The following PLEKHA7 variants were observed in gnomAD, a reference collection of about 807,000 sequenced individuals.
The protein encoded by PLEKHA7 is pleckstrin homology domain containing A7, also known as pleckstrin homology domain-containing family A member 7.
A neutral mutation model predicts 170.0 loss-of-function variants in PLEKHA7; 104 were observed. The observed-to-expected ratio is 0.61, with a 90% CI of 0.52 to 0.72. The LOEUF is 0.72. Among genes scored for constraint, PLEKHA7 ranks in the 30% least tolerant of loss-of-function variants. The pLI, the probability that PLEKHA7 is intolerant of heterozygous loss-of-function variation, is 0.00. For missense variants in PLEKHA7, 1,615 were observed against 1,671.7 expected, an observed-to-expected ratio of 0.97 and a Z score of 0.59; for synonymous variants, 648 against 660.8, an observed-to-expected ratio of 0.98 and a Z score of 0.30.
At chr11:16,835,403 T>C (rs1851436713) in intron 9 of PLEKHA7, among the ~76,000 whole-genome samples, 1 of 152,172 alleles carries the variant, frequency 6.6e-6, no homozygotes, top group Admixed American at 6.5e-5. Flanking sequence ...CCCTGAACTG[T>C]TGAACAACTC....
intron 3 of PLEKHA7, among the ~76,000 whole-genome samples, chr11:16,956,645 G>A (rs1861719755): frequency 2.0e-5 from 3 of 152,162 alleles, no homozygotes. Flanking sequence ...CTGTGACAGG[G>A]ATAAAGGGAA....
intron 3 of PLEKHA7, among the ~76,000 whole-genome samples, chr11:17,002,387 G>C (rs913719184): frequency 5.3e-4 from 79 of 149,332 alleles, no homozygotes; most frequent in African/African-American, 1.9e-3. Context: ...CTGGGCAACA[G>C]AACAAAACCT....
intron 3 of PLEKHA7, among the ~76,000 whole-genome samples, chr11:16,994,165 A>T (rs1490405968): frequency 6.6e-6 from 1 of 152,174 alleles, no homozygotes; most frequent in Non-Finnish European, 1.5e-5. Flanking sequence ...CTCTGTCAGT[A>T]GGGTCAAGGC....
At chr11:16,887,807 A>T (rs1249085858) in intron 3 of PLEKHA7, among the ~76,000 whole-genome samples, 1 of 151,868 alleles carries the variant, frequency 6.6e-6, no homozygotes, top group Admixed American at 6.6e-5. Flanking sequence ...GCCTCTGCCC[A>T]GCCGCCACCC....
At chr11:16,945,860 A>G (rs1459391932) in intron 3 of PLEKHA7, among the ~76,000 whole-genome samples, 1 of 152,216 alleles carries the variant, frequency 6.6e-6, no homozygotes, top group Non-Finnish European at 1.5e-5. Context: ...CTGATTAAGA[A>G]CAAAAGTCCT....
chr11:16,982,565 A>T (rs1863493692), intron 3 of PLEKHA7, among the ~76,000 whole-genome samples: 1 of 152,228 alleles, frequency 6.6e-6, no homozygotes, highest in East Asian at 1.9e-4. Flanking sequence ...AAGCAGAGTC[A>T]GTGGTGCTCA....
chr11:16,925,536 C>G (rs1456453120), intron 3 of PLEKHA7, among the ~76,000 whole-genome samples: 8 of 152,176 alleles, frequency 5.3e-5, no homozygotes, highest in African/African-American at 1.4e-4. Context: ...CTGCAGGCCC[C>G]CCTTGGTCGC....
chr11:16,824,902 C>T (rs1279787203), intron 10 of PLEKHA7, among the ~76,000 whole-genome samples: 4 of 152,212 alleles, frequency 2.6e-5, no homozygotes, highest in Non-Finnish European at 5.9e-5. Flanking sequence ...AGGCCGGCAC[C>T]AAGAAGAGCA....
At chr11:16,847,314 G>A (rs937117452) in intron 8 of PLEKHA7, among the ~76,000 whole-genome samples, 6 of 151,716 alleles carry the variant, frequency 4.0e-5, no homozygotes, top group African/African-American at 1.5e-4. Flanking sequence ...GGATGGTCTC[G>A]ATCTCCTGAC....
chr11:17,008,645 C>G lies in PLEKHA7; in HGVS notation c.221+5344G>C, dbSNP rs574208953. 1.7e-4 allele frequency among the ~76,000 whole-genome samples: 26 copies of G among 152,322 alleles called. No individual in the cohort carries two copies. In the Middle Eastern group the frequency reaches 0.01, roughly 60 times the overall value. On this transcript the variant is annotated intron_variant, in intron 3 of 26. Transcript: ENST00000531066. The stretch of plus-strand genomic sequence containing the variant: ...CCTCAAGAGATGCCAAGTGCCTACT[C>G]AGCTCCCAGCCCTGGGCTGGGTGCC...
chr11:16,790,719 A>C, intron 21 of PLEKHA7, 79 bp downstream of exon 21: 1 of 1,407,586 alleles, frequency 7.1e-7, no homozygotes, highest in Non-Finnish European at 9.8e-7. Context: ...TGCAGGCAGA[A>C]GGGTACGAGG....
intron 3 of PLEKHA7, among the ~76,000 whole-genome samples, chr11:16,918,940 G>C (rs1858891081): frequency 6.6e-6 from 1 of 152,126 alleles, no homozygotes; most frequent in Non-Finnish European, 1.5e-5. Flanking sequence ...GCCCAGCACG[G>C]TGGCTCATGC....
chr11:16,873,809 G>A (rs1430219104), intron 3 of PLEKHA7, among the ~76,000 whole-genome samples: 3 of 152,150 alleles, frequency 2.0e-5, no homozygotes, highest in Non-Finnish European at 4.4e-5. Context: ...TGGGATTATA[G>A]GCACCTGCCA....
intron 3 of PLEKHA7, among the ~76,000 whole-genome samples, chr11:17,009,683 T>A (rs1028406543): frequency 1.3e-5 from 2 of 152,116 alleles, no homozygotes; most frequent in Non-Finnish European, 2.9e-5. Flanking sequence ...TCATCCAGGC[T>A]GGAGTACAGT....
At chr11:16,992,449 T>C (rs1000518453) in intron 3 of PLEKHA7, among the ~76,000 whole-genome samples, 13 of 152,182 alleles carry the variant, frequency 8.5e-5, no homozygotes, top group Non-Finnish European at 1.9e-4. Context: ...AGGATTCTTA[T>C]GAGGTTTTAA....
chr11:16,884,960 A>C (rs1855971770), intron 3 of PLEKHA7, among the ~76,000 whole-genome samples: 2 of 152,258 alleles, frequency 1.3e-5, no homozygotes, highest in African/African-American at 4.8e-5. Context: ...GCCTCTGTAG[A>C]CGTCTGAGTT....
intron 4 of PLEKHA7, among the ~76,000 whole-genome samples, chr11:16,858,434 A>G (rs1853652073): frequency 6.6e-6 from 1 of 152,204 alleles, no homozygotes; most frequent in African/African-American, 2.4e-5. Context: ...GTGACTGGCC[A>G]GGAAATCCAG....
chr11:16,794,524 G>A lies in PLEKHA7; in HGVS notation c.2709C>T (p.Ser903=), dbSNP rs753334519. ...TCGCCTTAGTTGGTGACTGAAGGGG[G>A]GATGTCACTTTCCTCAGCTGGGGTG... is the stretch of plus-strand genomic sequence containing the variant. ...PHPPQLRKVT[S]PLQSPTKAKP... Residue 903 remains serine (S), a synonymous_variant, in exon 19 of 27, where the codon TCC becomes TCT. Coordinates refer to ENST00000531066, the MANE Select transcript of PLEKHA7 (RefSeq NM_001329630.2). 6.2e-7 allele frequency: 1 copy of A among 1,613,902 alleles called. No individual in the cohort carries two copies. Among genetic ancestry groups the A allele is most frequent in the Non-Finnish European group, 8.5e-7 (1 of 1,180,010 alleles).
rs1308827602 is a variant in PLEKHA7 at position 16,907,692 on chromosome 11, G to A, written c.222-36510C>T. 6.6e-3 allele frequency among the ~76,000 whole-genome samples: 874 copies of A among 131,710 alleles called. 9 individuals are homozygous for A. The highest frequency in any genetic ancestry group is 0.022 in the African/African-American group (812 of 36,154). 86.4% of individuals were successfully genotyped at this position (131,710 alleles called of 152,430 possible). A position where few individuals can be genotyped will look rare whatever the true frequency, so the allele number is the denominator to read the frequency against. ...CCGCCCCGTCCGGGAGGTGAGGGGC[G>A]CCTCTGCCCGGCCGCCCCTACTGGG... is the stretch of plus-strand genomic sequence containing the variant. On this transcript the variant is annotated intron_variant, in intron 3 of 26. Coordinates refer to ENST00000531066, the MANE Select transcript of PLEKHA7 (RefSeq NM_001329630.2).
Sources: allele counts gnomAD v4.1 joint callset (sites outside exome capture counted in the v4.1 genomes callset), GRCh38; gene constraint gnomAD v4.1.1; transcripts MANE v1.5; gene names NCBI Gene and HGNC (gene_info 2026-07-23, HGNC 2026-07-21).